SH2B2: variants seen among roughly 807,000 people sequenced by gnomAD.
SH2B2 encodes SH2B adapter protein 2.
Under a neutral mutation model 35.7 loss-of-function variants are expected in SH2B2, and 37 were observed. That is an observed-to-expected ratio of 1.04 (90% CI 0.80 to 1.36). The LOEUF is 1.36. Ranked by LOEUF, SH2B2 falls within the 40% of genes most tolerant of loss-of-function variation. SH2B2 has a pLI of 0.00. For synonymous variants in SH2B2, 383 were observed against 376.4 expected (o/e 1.02, Z -0.20); for missense variants, 852 against 817.7 (o/e 1.04, Z -0.51).
chr7:102,286,019 T>C (rs905136935), upstream of SH2B2, among the ~76,000 whole-genome samples: 2 of 152,138 alleles, frequency 1.3e-5, no homozygotes, highest in Admixed American at 1.3e-4. Context: ...AGGCTACAAA[T>C]GCCCCGCAAA....
chr7:102,286,917 A>G lies in SH2B2; in HGVS notation c.-207A>G, dbSNP rs1792475281. 1.4e-5 allele frequency: 2 copies of G among 146,702 alleles called. No homozygotes were observed. Among genetic ancestry groups the G allele is most frequent in the South Asian group, 4.2e-4 (2 of 4,784 alleles). The allele number at this position is 146,702 out of a possible 1,614,324, so 9.1% of individuals were successfully genotyped here. A position where few individuals can be genotyped will look rare whatever the true frequency, so the allele number is the denominator to read the frequency against. On this transcript the variant is annotated 5_prime_UTR_variant, in exon 1 of 9. Coordinates refer to ENST00000444095, the MANE Select transcript of SH2B2 (RefSeq NM_001359228.2). ...AGCGCGCGGAGCTCGGCTGCCAGAG[A>G]GCCGCGCGGGGGACGCGCCGGGACC... is the stretch of plus-strand genomic sequence containing the variant.
chr7:102,293,681 C>T (rs574160151), intron 1 of SH2B2, among the ~76,000 whole-genome samples: 3 of 151,838 alleles, frequency 2.0e-5, no homozygotes, highest in African/African-American at 7.2e-5. Flanking sequence ...GAGAGGCAAC[C>T]CCCTACCTGT....
chr7:102,294,687 C>G (rs575262770), intron 1 of SH2B2, among the ~76,000 whole-genome samples: 1 of 152,298 alleles, frequency 6.6e-6, no homozygotes, highest in South Asian at 2.1e-4. Flanking sequence ...ACTCCTGCCC[C>G]TGCCACAGCC....
intron 2 of SH2B2, among the ~76,000 whole-genome samples, chr7:102,306,017 C>T (rs1793383084): frequency 6.6e-6 from 1 of 151,544 alleles, no homozygotes; most frequent in Non-Finnish European, 1.5e-5. Context: ...TCCACCTTAG[C>T]CTCCCAAATA....
rs1227415186 is a variant in SH2B2, at chr7:102,317,401, T to A, written c.1395+6T>A. 1 of 1,559,762 alleles carries A rather than the reference T, an allele frequency of 6.4e-7. No homozygotes were observed. The highest frequency in any genetic ancestry group is 1.7e-4 in the Middle Eastern group (1 of 5,754). ...ACTTCCAGGGCAAGGCCAAGGCAAGTGTGTGGGGGGCGCCATGGGGGTGCA... is the reference window on the plus strand; with the variant it reads ...ACTTCCAGGGCAAGGCCAAGGCAAGAGTGTGGGGGGCGCCATGGGGGTGCA... On this transcript the variant is annotated splice_donor_region_variant and intron_variant, in intron 7 of 8. Coordinates refer to ENST00000444095, the MANE Select transcript of SH2B2 (RefSeq NM_001359228.2).
At position 102,300,886 on chromosome 7, in the gene SH2B2, C is replaced by T. The variant is rs782598845; in HGVS notation, c.336C>T (p.Tyr112=). 94 of 1,465,758 alleles carry T rather than the reference C, an allele frequency of 6.4e-5. No individual in the cohort carries two copies. Among genetic ancestry groups the T allele is most frequent in the Non-Finnish European group, 7.5e-5 (84 of 1,112,618 alleles). The allele number at this position is 1,465,758 out of a possible 1,614,324, so 90.8% of individuals were successfully genotyped here. ...CCTCTGCACTCAAGGCGGCGCCCTA[C>T]GGCCACTCGCGGAGCTCGGAGGACG... The part of the protein sequence containing the change: ...ADTSALKAAP[Y]GHSRSSEDVS... Residue 112 remains tyrosine (Y), a synonymous_variant, in exon 2 of 9, where the codon TAC becomes TAT. Coordinates refer to ENST00000444095, the MANE Select transcript of SH2B2 (RefSeq NM_001359228.2).
chr7:102,289,425 AG>A, intron 1 of SH2B2, among the ~76,000 whole-genome samples: 1 of 152,080 alleles, frequency 6.6e-6, no homozygotes, highest in East Asian at 1.9e-4. Flanking sequence ...GGGGCAGAAC[AG>A]GGGAAGTAGG....
chr7:102,307,029 C>T (rs1288723332), intron 3 of SH2B2, among the ~76,000 whole-genome samples: 1 of 152,244 alleles, frequency 6.6e-6, no homozygotes, highest in Non-Finnish European at 1.5e-5. Context: ...AGCCAGGTGC[C>T]TCGGGCGTCG....
chr7:102,313,686 A>C (rs904834118), intron 4 of SH2B2, among the ~76,000 whole-genome samples: 6 of 152,108 alleles, frequency 3.9e-5, no homozygotes, highest in Non-Finnish European at 7.4e-5. Context: ...AGGACGAGGC[A>C]GGCAGATCAC....
At chr7:102,306,593 G>A (rs1209637394) in intron 2 of SH2B2, 128 bp from the exon 3 acceptor site, 7 of 686,914 alleles carry the variant, frequency 1.0e-5, no homozygotes, top group Non-Finnish European at 1.8e-5. Flanking sequence ...TGGGGATTGG[G>A]ATACCTCTGT....
rs1009402514 is a variant in SH2B2, at chr7:102,313,768, C to T, written c.924-568C>T. ...CTACTAAAAATACAAAAAAATTAGCCGGGCATGGTGGCAGATGCCTGTAAT... is the reference window on the plus strand; with the variant it reads ...CTACTAAAAATACAAAAAAATTAGCTGGGCATGGTGGCAGATGCCTGTAAT... On this transcript the variant is annotated intron_variant, in intron 4 of 8. Transcript: ENST00000444095. Among the ~76,000 whole-genome samples the T allele has an allele frequency of 3.0e-3, 453 of 151,032 alleles. 6 individuals carry two copies. Among genetic ancestry groups the T allele is most frequent in the African/African-American group, 0.011 (441 of 41,176 alleles).
In SH2B2 at chr7:102,317,318, G is replaced by A. The variant is rs781922810; in HGVS notation, c.1318G>A (p.Gly440Ser). The change falls in exon 7 of 9, where the codon GGC becomes AGC. Residue 440 changes from glycine to serine, a missense_variant. Physicochemically the swap from Gly to Ser is moderately conservative, Grantham distance 56. Around this residue, in one of 3 missense-constraint regions of SH2B2, gnomAD observed 556 missense variants for 514.5 expected, o/e 1.08. Transcript: ENST00000444095. ...LVLAGGPRNHGLFVIRQSETR... is the reference protein window; with the variant it reads ...LVLAGGPRNHSLFVIRQSETR... ...TCTGGCAGGGGGGCCCCGGAACCACGGCCTCTTCGTGATCCGCCAAAGTGA... is the reference window on the plus strand; with the variant it reads ...TCTGGCAGGGGGGCCCCGGAACCACAGCCTCTTCGTGATCCGCCAAAGTGA... 8.7e-6 allele frequency: 14 copies of A among 1,612,940 alleles called. No individual in the cohort carries two copies. The highest frequency in any genetic ancestry group is 2.2e-5 in the East Asian group (1 of 44,836).
intron 7 of SH2B2, among the ~76,000 whole-genome samples, chr7:102,318,043 A>G (rs1534243): frequency 0.66 from 99,654 of 152,010 alleles, 32,926 homozygotes; most frequent in African/African-American, 0.74. Flanking sequence ...AGGCGATCCC[A>G]ACAGCACCCA....
In SH2B2 at chr7:102,315,744, G is replaced by GAAAAAA. The variant is rs61456197; in HGVS notation, c.1186+1075_1186+1080dup. ...GCAACAGAGAGAGACCCTGTGAAAA[G>GAAAAAA]AAAAAAAAAAAAAAAAAAGAAAAGA... is the stretch of plus-strand genomic sequence containing the variant. On this transcript the variant is annotated intron_variant, in intron 6 of 8. Transcript: ENST00000444095. Among the ~76,000 whole-genome samples the GAAAAAA allele has an allele frequency of 2.6e-3, 234 of 89,776 alleles. 2 individuals carry two copies. Among genetic ancestry groups the GAAAAAA allele is most frequent in the South Asian group, 4.2e-3 (9 of 2,126 alleles). 58.9% of individuals were successfully genotyped at this position (89,776 alleles called of 152,430 possible). A position where few individuals can be genotyped will look rare whatever the true frequency, so the allele number is the denominator to read the frequency against.
In SH2B2 at chr7:102,286,986, G is replaced by A. The variant is rs1792480518; in HGVS notation, c.-138G>A. On this transcript the variant is annotated 5_prime_UTR_variant, in exon 1 of 9. Coordinates refer to ENST00000444095, the MANE Select transcript of SH2B2 (RefSeq NM_001359228.2). The stretch of plus-strand genomic sequence containing the variant: ...TTCGAGGCGGTGAACGAGGGAGGGA[G>A]CCCAGTCCGCCGCGGGCCATGAGCC... 6.6e-6 allele frequency: 1 copy of A among 150,738 alleles called. No homozygotes were observed. Among genetic ancestry groups the A allele is most frequent in the African/African-American group, 2.4e-5 (1 of 41,142 alleles). The allele number at this position is 150,738 out of a possible 1,614,324, so 9.3% of individuals were successfully genotyped here. A position where few individuals can be genotyped will look rare whatever the true frequency, so the allele number is the denominator to read the frequency against.
Position 102,321,434 on chromosome 7 carries a change from C to T in SH2B2, c.1703C>T (p.Ser568Leu), listed in dbSNP as rs1554558550. The change falls in exon 9 of 9, where the codon TCG becomes TTG. Residue 568 changes from serine to leucine, a missense_variant. Ser to Leu is a moderately radical substitution (Grantham distance 145). Coordinates refer to ENST00000444095, the MANE Select transcript of SH2B2 (RefSeq NM_001359228.2). ...ASPSDAAGAS[S>L]SSASSSSAAS... is the part of the protein sequence containing the mutation. ...CCCTCCGACGCCGCCGGCGCCTCCT[C>T]GTCTTCCGCCTCGTCGTCCTCTGCC... The T allele has an allele frequency of 5.4e-6, 7 of 1,303,918 alleles. No homozygotes were observed. The highest frequency in any genetic ancestry group is 2.9e-6 in the Non-Finnish European group (3 of 1,023,560). 80.8% of individuals were successfully genotyped at this position (1,303,918 alleles called of 1,614,324 possible). A position where few individuals can be genotyped will look rare whatever the true frequency, so the allele number is the denominator to read the frequency against.
chr7:102,317,169 C>T lies in SH2B2; in HGVS notation c.1187-18C>T, dbSNP rs373079904. On this transcript the variant is annotated intron_variant, in intron 6 of 8. Transcript: ENST00000444095. The stretch of plus-strand genomic sequence containing the variant: ...TCTCCTTCCCCCCATGTTCCTCACA[C>T]TGTCATCCCCACCTCAGGGGAACAG... 1 of 1,563,586 alleles carries T rather than the reference C, an allele frequency of 6.4e-7. No individual in the cohort carries two copies. The highest frequency in any genetic ancestry group is 8.7e-7 in the Non-Finnish European group (1 of 1,148,588).
intron 1 of SH2B2, among the ~76,000 whole-genome samples, chr7:102,289,010 C>G (rs1792568834): frequency 6.6e-6 from 1 of 152,202 alleles, no homozygotes; most frequent in East Asian, 1.9e-4. Flanking sequence ...GGTCAGAGCC[C>G]TGGGGCCTGG....
chr7:102,292,828 TCTGA>T (rs1428770175), intron 1 of SH2B2, among the ~76,000 whole-genome samples: 2 of 152,366 alleles, frequency 1.3e-5, no homozygotes, highest in Admixed American at 6.5e-5. Flanking sequence ...CACTTGGTTC[TCTGA>T]CTGCTGCTCT....
Sources: allele counts gnomAD v4.1 joint callset (sites outside exome capture counted in the v4.1 genomes callset), GRCh38; gene constraint gnomAD v4.1.1; regional missense constraint gnomAD v4.1.1; transcripts MANE v1.5; gene names NCBI Gene and HGNC (gene_info 2026-07-23, HGNC 2026-07-21).